Variants in ROBO2 observed in about 807,000 individuals in gnomAD.
ROBO2 encodes the protein roundabout homolog 2.
In ROBO2, 53 loss-of-function variants were observed where a neutral mutation model predicts 160.8. That is an observed-to-expected ratio of 0.33 (90% CI 0.26 to 0.41). The LOEUF is 0.41. Among genes scored for constraint, ROBO2 ranks in the 10% least tolerant of loss-of-function variants. The probability of loss-of-function intolerance (pLI) is 1.00; values close to 1 mark genes in which losing one functional copy is unlikely to be tolerated. For missense variants in ROBO2, 1,577 were observed against 1,722.4 expected (o/e 0.92, Z 1.49); for synonymous variants, 664 against 611.7 (o/e 1.09, Z -1.26).
intron 1 of ROBO2, among the ~76,000 whole-genome samples, chr3:77,042,447 C>G (rs2064193820): frequency 6.6e-6 from 1 of 152,208 alleles, no homozygotes; most frequent in Non-Finnish European, 1.5e-5. Flanking sequence ...CATGTGTAAA[C>G]TATACATTAG....
intron 2 of ROBO2, among the ~76,000 whole-genome samples, chr3:76,386,278 AC>A (rs1371898511): frequency 6.6e-6 from 1 of 151,200 alleles, no homozygotes; most frequent in Admixed American, 6.6e-5. Flanking sequence ...TGCAAACTAG[AC>A]CTTTCTTCAT....
chr3:75,988,067 C>G (rs1207416253), intron 2 of ROBO2, among the ~76,000 whole-genome samples: 1 of 151,934 alleles, frequency 6.6e-6, no homozygotes, highest in East Asian at 1.9e-4. Flanking sequence ...TATTCCTCCT[C>G]TTTAACTTTT....
intron 2 of ROBO2, among the ~76,000 whole-genome samples, chr3:76,100,388 TTGTC>T (rs1183059168): frequency 2.6e-5 from 4 of 152,230 alleles, no homozygotes; most frequent in Non-Finnish European, 5.9e-5. Flanking sequence ...AAACTGCTCT[TTGTC>T]TGCTCTCTGC....
At chr3:76,233,842 G>C (rs1016047938) in intron 2 of ROBO2, among the ~76,000 whole-genome samples, 2 of 152,022 alleles carry the variant, frequency 1.3e-5, no homozygotes, top group Non-Finnish European at 2.9e-5. Context: ...TTAGGTTTAG[G>C]GTTACATGTG....
chr3:76,488,189 T>G (rs1199078253), intron 2 of ROBO2, among the ~76,000 whole-genome samples: 1 of 152,184 alleles, frequency 6.6e-6, no homozygotes, highest in African/African-American at 2.4e-5. Context: ...ATGTATGACC[T>G]CACAGATTCC....
chr3:77,635,181 T>C, intron 24 of ROBO2, 138 bp downstream of exon 25: 1 of 845,364 alleles, frequency 1.2e-6, no homozygotes, highest in South Asian at 1.6e-5. Context: ...AATATGGCCT[T>C]GTTTAAATAA....
At chr3:76,151,706 A>G (rs1383110556) in intron 2 of ROBO2, among the ~76,000 whole-genome samples, 1 of 152,062 alleles carries the variant, frequency 6.6e-6, no homozygotes, top group Non-Finnish European at 1.5e-5. Context: ...CCTTTCCTCA[A>G]ATGATCCATT....
At chr3:76,293,035 G>T (rs1030178440) in intron 2 of ROBO2, among the ~76,000 whole-genome samples, 1 of 151,644 alleles carries the variant, frequency 6.6e-6, no homozygotes, top group Non-Finnish European at 1.5e-5. Context: ...GCATTGTTAG[G>T]ATATATAAAA....
intron 2 of ROBO2, among the ~76,000 whole-genome samples, chr3:76,942,373 C>T (rs188791697): frequency 2.6e-5 from 4 of 152,270 alleles, no homozygotes; most frequent in Middle Eastern, 3.4e-3. Context: ...AACCAGCCTC[C>T]TTTATTGTTT....
intron 2 of ROBO2, among the ~76,000 whole-genome samples, chr3:77,371,919 A>G (rs1382109794): frequency 6.6e-6 from 1 of 152,228 alleles, no homozygotes; most frequent in African/African-American, 2.4e-5. Context: ...AATGAATAAC[A>G]GAATATTACA....
intron 2 of ROBO2, among the ~76,000 whole-genome samples, chr3:76,459,123 A>G (rs962039078): frequency 6.6e-6 from 1 of 152,014 alleles, no homozygotes; most frequent in African/African-American, 2.4e-5. Context: ...CTTTTGGCTC[A>G]CTCCGCTTCG....
intron 2 of ROBO2, among the ~76,000 whole-genome samples, chr3:76,786,791 A>G (rs10048927): frequency 0.01 from 1,547 of 151,486 alleles, 22 homozygotes; most frequent in African/African-American, 0.035. Flanking sequence ...TCAATTATGT[A>G]GCTCTTAAAA....
intron 2 of ROBO2, among the ~76,000 whole-genome samples, chr3:76,909,113 A>G (rs560530106): frequency 6.6e-5 from 10 of 152,220 alleles, no homozygotes; most frequent in Admixed American, 1.3e-4. Context: ...TGTTGTCCCA[A>G]CTACTCTGGA....
chr3:76,779,751 G>C lies in ROBO2; in HGVS notation c.110-318263G>C, dbSNP rs1291238480. Among the ~76,000 whole-genome samples, 3 of 150,872 alleles carry C rather than the reference G, an allele frequency of 2.0e-5. No individual in the cohort carries two copies. The East Asian group carries it at 5.9e-4, about 30-fold the overall frequency. ...AATTTTCCTTTTTTAAGGATGAGTA[G>C]TGTTCTATTTTTATGTATTTACAAC... On this transcript the variant is annotated intron_variant, in intron 2 of 26. Coordinates refer to the ROBO2 transcript ENST00000487694.
chr3:77,030,658 T>C (rs563017509), intron 2 of ROBO2, among the ~76,000 whole-genome samples: 35 of 152,298 alleles, frequency 2.3e-4, no homozygotes, highest in South Asian at 6.2e-4. Context: ...TCTCGTTGCA[T>C]CTGGTGGCCT....
intron 7 of ROBO2, among the ~76,000 whole-genome samples, chr3:77,548,139 A>G (rs1333743349): frequency 6.6e-6 from 1 of 151,562 alleles, no homozygotes; most frequent in East Asian, 1.9e-4. Flanking sequence ...TCACATACAC[A>G]TACACATACA....
chr3:76,216,285 G>A (rs1312332083), intron 2 of ROBO2, among the ~76,000 whole-genome samples: 2 of 152,158 alleles, frequency 1.3e-5, no homozygotes, highest in East Asian at 3.9e-4. Context: ...ACATCATAAT[G>A]AGAGGATAAA....
intron 2 of ROBO2, among the ~76,000 whole-genome samples, chr3:76,160,036 A>C (rs1429510622): frequency 6.6e-6 from 1 of 152,138 alleles, no homozygotes; most frequent in African/African-American, 2.4e-5. Flanking sequence ...AAGCTTTCCA[A>C]GGTGTTTTTC....
At chr3:77,507,948 A>T (rs1375407570) in intron 5 of ROBO2, among the ~76,000 whole-genome samples, 2 of 152,080 alleles carry the variant, frequency 1.3e-5, no homozygotes, top group Admixed American at 6.6e-5. Flanking sequence ...ATCTATGAAA[A>T]GTTACTGGAA....
Sources: allele counts gnomAD v4.1 joint callset (sites outside exome capture counted in the v4.1 genomes callset), GRCh38; gene constraint gnomAD v4.1.1; transcripts MANE v1.5; gene names NCBI Gene and HGNC (gene_info 2026-07-23, HGNC 2026-07-21).